Variants in DENND1B observed in about 807,000 individuals in gnomAD.
DENND1B encodes the protein DENN domain containing 1B.
A neutral mutation model predicts 90.1 loss-of-function variants in DENND1B; 59 were observed. The observed-to-expected ratio is 0.65, with a 90% CI of 0.53 to 0.81. DENND1B has a LOEUF of 0.81. Ranked by LOEUF, DENND1B falls within the 40% of genes least tolerant of loss-of-function variation. The pLI is 0.00. For missense variants in DENND1B, 862 were observed against 912.6 expected (o/e 0.94, Z 0.71); for synonymous variants, 337 against 324.6 (o/e 1.04, Z -0.41).
At chr1:197,745,383 T>A (rs1016784744) in intron 2 of DENND1B, among the ~76,000 whole-genome samples, 15 of 152,074 alleles carry the variant, frequency 9.9e-5, no homozygotes, top group African/African-American at 2.4e-5. Context: ...TAGAGGCCAT[T>A]GTAGGGTTAT....
chr1:197,529,625 G>A (rs1017285836), intron 20 of DENND1B, among the ~76,000 whole-genome samples: 5 of 151,804 alleles, frequency 3.3e-5, no homozygotes, highest in East Asian at 3.9e-4. Flanking sequence ...ACTAAGCCAC[G>A]CATGGCTAAT....
At chr1:197,702,368 GTATACAAGT>G (rs1659122648) in intron 3 of DENND1B, among the ~76,000 whole-genome samples, 1 of 152,074 alleles carries the variant, frequency 6.6e-6, no homozygotes, top group Non-Finnish European at 1.5e-5. Context: ...TTTTCCAAAT[GTATACAAGT>G]TATTGAACTA....
chr1:197,541,966 A>G (rs1482305483), intron 18 of DENND1B, among the ~76,000 whole-genome samples: 2 of 152,178 alleles, frequency 1.3e-5, no homozygotes, highest in African/African-American at 2.4e-5. Flanking sequence ...CCATGGTTCT[A>G]TAATTCCATA....
At chr1:197,674,478 A>G (rs147231854) in intron 3 of DENND1B, among the ~76,000 whole-genome samples, 141 of 152,296 alleles carry the variant, frequency 9.3e-4, no homozygotes, top group African/African-American at 3.4e-3. Context: ...GAAGCACCGC[A>G]CCATATGGGT....
intron 12 of DENND1B, among the ~76,000 whole-genome samples, chr1:197,610,910 C>G (rs1267229017): frequency 6.6e-6 from 1 of 150,544 alleles, no homozygotes; most frequent in Non-Finnish European, 1.5e-5. Flanking sequence ...AAAAATGTTG[C>G]CCTAGCATTT....
At chr1:197,746,776 T>A (rs772256588) in intron 2 of DENND1B, 71 of 1,518,766 alleles carry the variant, frequency 4.7e-5, no homozygotes, top group Non-Finnish European at 6.2e-5. Context: ...CACTTTGGGT[T>A]TCCCATCTCT....
At chr1:197,772,699 T>C (rs969727923) in intron 2 of DENND1B, among the ~76,000 whole-genome samples, 169 bp downstream of exon 2, 1 of 152,006 alleles carries the variant, frequency 6.6e-6, no homozygotes, top group Admixed American at 6.6e-5. Flanking sequence ...GTGGTGTGCA[T>C]TGGTAGCTCC....
intron 15 of DENND1B, among the ~76,000 whole-genome samples, chr1:197,580,420 C>T (rs114595281): frequency 0.011 from 1,711 of 151,900 alleles, 32 homozygotes; most frequent in African/African-American, 0.04. Flanking sequence ...TGAGTCACTG[C>T]GCCTGGCCCT....
chr1:197,636,784 T>C (rs1382791757), intron 10 of DENND1B, among the ~76,000 whole-genome samples: 3 of 152,076 alleles, frequency 2.0e-5, no homozygotes, highest in African/African-American at 7.2e-5. Flanking sequence ...CAGTGGGCAG[T>C]TGAAGAACAG....
intron 10 of DENND1B, among the ~76,000 whole-genome samples, chr1:197,626,124 G>A (rs1378185793): frequency 6.6e-6 from 1 of 151,904 alleles, no homozygotes; most frequent in Non-Finnish European, 1.5e-5. Flanking sequence ...GAGACAGAAA[G>A]TCAACAAGGA....
chr1:197,621,862 A>T (rs1244306458), intron 10 of DENND1B, among the ~76,000 whole-genome samples: 2 of 151,512 alleles, frequency 1.3e-5, no homozygotes, highest in Non-Finnish European at 1.5e-5. Flanking sequence ...ATGGAAAAAA[A>T]TTTCTTATCT....
chr1:197,541,624 A>T (rs1347857883), intron 18 of DENND1B, among the ~76,000 whole-genome samples: 1 of 152,190 alleles, frequency 6.6e-6, no homozygotes, highest in African/African-American at 2.4e-5. Flanking sequence ...AACTTAACTA[A>T]AGACAACTGG....
At chr1:197,611,582 T>C (rs1677186596) in intron 12 of DENND1B, among the ~76,000 whole-genome samples, 1 of 150,676 alleles carries the variant, frequency 6.6e-6, no homozygotes, top group African/African-American at 2.4e-5. Flanking sequence ...GTACATAAAT[T>C]GTGACTTTCA....
At chr1:197,539,690 T>C (rs1258970846) in intron 20 of DENND1B, among the ~76,000 whole-genome samples, 1 of 152,212 alleles carries the variant, frequency 6.6e-6, no homozygotes, top group Non-Finnish European at 1.5e-5. Context: ...ATTCACACTC[T>C]ATAAGAATCA....
In DENND1B at chr1:197,672,089, ATC is replaced by A. The variant is rs771227505; in HGVS notation, c.242_243del (p.Arg81IlefsTer18). The A allele has an allele frequency of 2.0e-5, 32 of 1,612,818 alleles. No homozygotes were observed. In the Admixed American group the frequency reaches 5.2e-4, roughly 26 times the overall value. On this transcript the variant is annotated frameshift_variant, in exon 5 of 23. Coordinates refer to ENST00000620048, the MANE Select transcript of DENND1B (RefSeq NM_001195215.2). LOFTEE classifies it high-confidence loss of function. The stretch of plus-strand genomic sequence containing the variant: ...CCTGACGTCAGTCTGCAGAATCCAA[ATC>A]TCTGTTTACTTTCAATGTCTGTCAG... ...FVLTDIESKQ[R>X]FGFCRLTSGG...
At chr1:197,628,913 A>G (rs1043700250) in intron 10 of DENND1B, among the ~76,000 whole-genome samples, 10 of 152,216 alleles carry the variant, frequency 6.6e-5, no homozygotes, top group Middle Eastern at 6.8e-3. Context: ...GCAGCCAAAA[A>G]ACACATGAAA....
In DENND1B at chr1:197,506,229, TTCTG is replaced by T. The variant is rs914333642; in HGVS notation, c.*4227_*4230del. Reference sequence around the variant, plus strand: ...ATCCTATTTTCAAAATAAAATATTCTTCTGTCTAAATGTATATAATTCCTTATTT... The same window carrying T: ...ATCCTATTTTCAAAATAAAATATTCTTCTAAATGTATATAATTCCTTATTT... On this transcript the variant is annotated 3_prime_UTR_variant, in exon 23 of 23. Coordinates refer to ENST00000620048, the MANE Select transcript of DENND1B (RefSeq NM_001195215.2). 7.3e-5 allele frequency: 11 copies of T among 151,626 alleles called. No individual in the cohort carries two copies. Among genetic ancestry groups the T allele is most frequent in the African/African-American group, 2.7e-4 (11 of 41,394 alleles). 9.4% of individuals were successfully genotyped at this position (151,626 alleles called of 1,614,324 possible).
intron 5 of DENND1B, among the ~76,000 whole-genome samples, chr1:197,664,961 C>T (rs1299573634): frequency 2.0e-5 from 3 of 151,954 alleles, no homozygotes; most frequent in African/African-American, 7.2e-5. Context: ...TTATGTTAAT[C>T]AAATTAGGTT....
chr1:197,608,137 T>C (rs1234367098), intron 12 of DENND1B, among the ~76,000 whole-genome samples: 1 of 150,656 alleles, frequency 6.6e-6, no homozygotes, highest in Non-Finnish European at 1.5e-5. Flanking sequence ...TAAAATCTTA[T>C]TATTACCTTA....
Sources: gnomAD v4.1 joint callset for allele counts (sites outside exome capture counted in the v4.1 genomes callset) on GRCh38, gnomAD v4.1.1 for gene constraint, MANE v1.5 for transcripts, NCBI Gene and HGNC (gene_info 2026-07-23, HGNC 2026-07-21) for gene names.